Variants in ALDH7A1 observed in about 807,000 individuals in gnomAD.
ALDH7A1 encodes the protein alpha-aminoadipic semialdehyde dehydrogenase.
ALDH7A1 carries 63 observed loss-of-function variants against 79.9 expected under a neutral mutation model. The observed-to-expected ratio is 0.79, with a 90% confidence interval of 0.64 to 0.97. The LOEUF (loss-of-function observed/expected upper bound fraction) is 0.97, where lower values mean the gene tolerates loss of function less well. Among genes scored for constraint, ALDH7A1 ranks in the 50% least tolerant of loss-of-function variants. The probability of loss-of-function intolerance (pLI) is 0.00; values close to 1 mark genes in which losing one functional copy is unlikely to be tolerated. For missense variants in ALDH7A1, 627 were observed against 665.2 expected (o/e 0.94, Z 0.63); for synonymous variants, 240 against 231.2 (o/e 1.04, Z -0.34).
chr5:126,554,373 G>A lies in ALDH7A1; in HGVS notation c.1114C>T (p.Leu372Phe). ...PWDPNVLYGP[L>F]HTKQAVSMFL... ...ATGCTCACTGCCTGCTTGGTGTGGA[G>A]TGGCCCATAGAGAACATTAGCTGGA... Residue 372 changes from leucine to phenylalanine, a missense_variant, in exon 13 of 18, where the codon CTC (leucine) becomes TTC (phenylalanine). By Grantham distance (22) the Leu-to-Phe change is conservative. Coordinates refer to ENST00000409134, the MANE Select transcript of ALDH7A1 (RefSeq NM_001182.5). The A allele has an allele frequency of 6.2e-7, 1 of 1,614,096 alleles. No individual in the cohort carries two copies. The highest frequency in any genetic ancestry group is 8.5e-7 in the Non-Finnish European group (1 of 1,180,004).
rs1751111452 is a variant in ALDH7A1, at chr5:126,579,831, G to A, written c.518-2620C>T. On this transcript the variant is annotated intron_variant, in intron 5 of 17. Transcript: ENST00000409134. ...TTAAATTAGCTGGGCTTGGTGGCAT[G>A]TGCCTGTAATCCCAGCTACTCAGGA... Among the ~76,000 whole-genome samples, 3 of 152,196 alleles carry A rather than the reference G, an allele frequency of 2.0e-5. No individual in the cohort carries two copies. The South Asian group carries it at 6.2e-4, about 32-fold the overall frequency.
At chr5:126,563,616 A>G (rs1750472988) in intron 9 of ALDH7A1, among the ~76,000 whole-genome samples, 1 of 151,814 alleles carries the variant, frequency 6.6e-6, no homozygotes, top group Non-Finnish European at 1.5e-5. Context: ...TCAGCTTCCC[A>G]AGTAGCTGGG....
In ALDH7A1 at chr5:126,545,940, C is replaced by T. The variant is rs1749770451; in HGVS notation, c.1565+384G>A. ...ACAGCCTGGCCAACACGGTGAAACC[C>T]AATCTCTACTAAAAATACAAAAATT... On this transcript the variant is annotated intron_variant, in intron 17 of 17. Transcript: ENST00000409134. Among the ~76,000 whole-genome samples the T allele has an allele frequency of 2.6e-5, 4 of 152,120 alleles. No homozygotes were observed. In the South Asian group the frequency reaches 8.3e-4, roughly 32 times the overall value.
chr5:126,594,954 G>C (rs966590946), intron 1 of ALDH7A1, 53 bp downstream of exon 1: 1 of 1,551,374 alleles, frequency 6.4e-7, no homozygotes, highest in Non-Finnish European at 8.7e-7. Context: ...TGCCCGCCCG[G>C]CCTCCTCGAG....
chr5:126,550,352 G>A lies in ALDH7A1; in HGVS notation c.1318-59C>T, dbSNP rs1749951791. On this transcript the variant is annotated intron_variant, in intron 14 of 17. Transcript: ENST00000409134. ...TATAGTGTTCAAGTCAAAGTTCACT[G>A]ACATTAAACTCATTTCCTGAAGTGT... 3.6e-5 allele frequency: 46 copies of A among 1,273,822 alleles called. 2 individuals are homozygous for A. The East Asian group carries it at 1.1e-3, about 29-fold the overall frequency. The allele number at this position is 1,273,822 out of a possible 1,614,324, so 78.9% of individuals were successfully genotyped here.
At chr5:126,570,006 T>A (rs1029202165) in intron 8 of ALDH7A1, 2 of 152,268 alleles carry the variant, frequency 1.3e-5, no homozygotes, top group African/African-American at 4.8e-5. Context: ...ATAGTCCATG[T>A]CATCTTAATA....
intron 5 of ALDH7A1, among the ~76,000 whole-genome samples, chr5:126,577,752 G>A (rs982733021): frequency 6.6e-6 from 1 of 151,782 alleles, no homozygotes; most frequent in Non-Finnish European, 1.5e-5. Flanking sequence ...TTTTAGTAGA[G>A]AAGGAGTTTC....
chr5:126,555,609 G>A (rs1260629283), intron 12 of ALDH7A1, among the ~76,000 whole-genome samples: 1 of 152,086 alleles, frequency 6.6e-6, no homozygotes, highest in Non-Finnish European at 1.5e-5. Context: ...AGCAATGGAT[G>A]CAGAAAGGTC....
In ALDH7A1 at chr5:126,571,480, A is replaced by C. The variant is rs562562855; in HGVS notation, c.696-621T>G. 2.6e-4 allele frequency among the ~76,000 whole-genome samples: 39 copies of C among 151,842 alleles called. 1 individual carries two copies. In the Middle Eastern group the frequency reaches 0.01, roughly 40 times the overall value. On this transcript the variant is annotated intron_variant, in intron 7 of 17. Coordinates refer to ENST00000409134, the MANE Select transcript of ALDH7A1 (RefSeq NM_001182.5). ...AGACAGGGAGACTGTATCTCAAAAA[A>C]AAAAAAAAGAATCTTGAGAAGAAGA...
chr5:126,551,388 C>T (rs1024543613), intron 14 of ALDH7A1, among the ~76,000 whole-genome samples: 1 of 151,702 alleles, frequency 6.6e-6, no homozygotes, highest in Admixed American at 6.6e-5. Flanking sequence ...GATCTCGGCT[C>T]ACTGCAACCT....
intron 1 of ALDH7A1, 63 bp downstream of exon 1, chr5:126,594,944 T>C (rs1350562429): frequency 1.3e-6 from 2 of 1,548,102 alleles, no homozygotes; most frequent in Non-Finnish European, 1.7e-6. Context: ...GGTAGGTCAG[T>C]GCCCGCCCGG....
chr5:126,549,189 C>A (rs1749905567), intron 16 of ALDH7A1, among the ~76,000 whole-genome samples: 2 of 151,324 alleles, frequency 1.3e-5, no homozygotes, highest in Admixed American at 6.6e-5. Context: ...TGCATTCAGG[C>A]AACTGCACAG....
At position 126,568,334 on chromosome 5, in the gene ALDH7A1, G is replaced by A. The variant is rs1270423610; in HGVS notation, c.796C>T (p.Arg266Ter). Residue 266 changes from arginine (R) to a stop codon, truncating the protein, a stop_gained, in exon 9 of 18, where the codon CGA (arginine) becomes TGA (stop). Transcript: ENST00000409134. LOFTEE classifies it high-confidence loss of function. Reference protein sequence around the residue: ...DIGTAMAKDERVNLLSFTGST... With the variant: ...DIGTAMAKDE ...CCAGTGAAGGACAGCAGGTTCACTC[G>A]TTCATCTTTGGCCATTGCTGTGCTG... The A allele has an allele frequency of 1.1e-5, 17 of 1,614,036 alleles. No homozygotes were observed. Among genetic ancestry groups the A allele is most frequent in the Non-Finnish European group, 1.4e-5 (16 of 1,179,944 alleles).
chr5:126,561,073 G>T lies in ALDH7A1; in HGVS notation c.913+10C>A, dbSNP rs1468231072. 1 of 1,613,106 alleles carries T rather than the reference G, an allele frequency of 6.2e-7. No homozygotes were observed. Among genetic ancestry groups the T allele is most frequent in the Non-Finnish European group, 8.5e-7 (1 of 1,179,584 alleles). Reference sequence around the variant, plus strand: ...ACAGAAAACAAACAAAAACAAAGAGGCAGCCTTACCAATAATGGCATTGTT... The same window carrying T: ...ACAGAAAACAAACAAAAACAAAGAGTCAGCCTTACCAATAATGGCATTGTT... On this transcript the variant is annotated intron_variant, in intron 10 of 17. Coordinates refer to ENST00000409134, the MANE Select transcript of ALDH7A1 (RefSeq NM_001182.5).
In ALDH7A1 at chr5:126,561,110, C is replaced by T; in HGVS notation, c.886G>A (p.Glu296Lys). Residue 296 changes from glutamate to lysine, a missense_variant, in exon 10 of 18, where the codon GAA becomes AAA. By Grantham distance (56) the Glu-to-Lys change is moderately conservative. Coordinates refer to ENST00000409134, the MANE Select transcript of ALDH7A1 (RefSeq NM_001182.5). ...VQERFGRSLL[E>K]LGGNNAIIAF... ...ATAATGGCATTGTTTCCTCCAAGTT[C>T]CAACAGACTTCTCCCTTAAAAGAAA... 1 of 1,612,622 alleles carries T rather than the reference C, an allele frequency of 6.2e-7. No individual in the cohort carries two copies. The highest frequency in any genetic ancestry group is 8.5e-7 in the Non-Finnish European group (1 of 1,179,458).
At chr5:126,588,106 A>C (rs543746062) in intron 3 of ALDH7A1, 1 of 152,330 alleles carries the variant, frequency 6.6e-6, no homozygotes, top group African/African-American at 2.4e-5. Flanking sequence ...ATGTGAAAAT[A>C]GCAACAAAAA....
intron 8 of ALDH7A1, chr5:126,570,053 C>G (rs987336752): frequency 6.6e-6 from 1 of 152,224 alleles, no homozygotes; most frequent in Non-Finnish European, 1.5e-5. Flanking sequence ...CAAAAGGCCA[C>G]ATGTTATATG....
At chr5:126,588,327 AC>A (rs1561670008) in intron 3 of ALDH7A1, 5 of 151,910 alleles carry the variant, frequency 3.3e-5, no homozygotes, top group Non-Finnish European at 5.9e-5. Flanking sequence ...CAAAAAAAAA[AC>A]ATTAGCCGGG....
intron 3 of ALDH7A1, among the ~76,000 whole-genome samples, chr5:126,590,995 T>A (rs981082925): frequency 1.3e-5 from 2 of 151,758 alleles, no homozygotes; most frequent in Non-Finnish European, 2.9e-5. Context: ...ATCACAACTA[T>A]GAAATAAATA....
Sources: allele counts gnomAD v4.1 joint callset (sites outside exome capture counted in the v4.1 genomes callset), GRCh38; gene constraint gnomAD v4.1.1; transcripts MANE v1.5; gene names NCBI Gene and HGNC (gene_info 2026-07-23, HGNC 2026-07-21).